The following PTPN3 variants were observed in gnomAD, a reference collection of about 807,000 sequenced individuals.
PTPN3 encodes the protein protein tyrosine phosphatase non-receptor type 3.
PTPN3 carries 96 observed loss-of-function variants against 132.7 expected under a neutral mutation model. The ratio of observed to expected loss-of-function variants is 0.72; its 90% CI spans 0.61 to 0.86. PTPN3 has a LOEUF of 0.86. PTPN3 is among the 40% of genes least tolerant of loss of function. The pLI is 0.00. For missense variants in PTPN3, 1,125 were observed against 1,159.6 expected (o/e 0.97, Z 0.43); for synonymous variants, 398 against 429.0 (o/e 0.93, Z 0.89).
chr9:109,453,804 G>C (rs947353725), intron 5 of PTPN3, among the ~76,000 whole-genome samples: 4 of 149,724 alleles, frequency 2.7e-5, no homozygotes, highest in Non-Finnish European at 4.4e-5. Flanking sequence ...GAGGTCAGGA[G>C]TTTGAGACCA....
chr9:109,417,898 G>A, intron 14 of PTPN3: 1 of 618,034 alleles, frequency 1.6e-6, no homozygotes, highest in African/African-American at 2.0e-5. Context: ...TCTCAAGGAG[G>A]GGTTTCAAGA....
At chr9:109,476,202 C>T (rs1308014679) in intron 1 of PTPN3, among the ~76,000 whole-genome samples, 1 of 152,076 alleles carries the variant, frequency 6.6e-6, no homozygotes, top group Non-Finnish European at 1.5e-5. Context: ...TTTATGCAGC[C>T]TATTCAGATT....
the PTPN3 span, among the ~76,000 whole-genome samples, chr9:109,534,758 C>T: frequency 1.3e-5 from 2 of 152,040 alleles, no homozygotes; most frequent in Admixed American, 6.5e-5. Flanking sequence ...GCCAAGATGA[C>T]GCCATTGCAC....
In PTPN3 at chr9:109,433,136, A is replaced by T; in HGVS notation, c.701T>A (p.Ile234Asn). ...AGCAACACCCGCGGAAGCAATTCCA[A>T]TCATTAGGTCTAAATTGTGCAGATC... ...GRDLHNLDLM[I>N]GIASAGVAVY... The change falls in exon 10 of 26, where the codon ATT (isoleucine) becomes AAT (asparagine). Residue 234 changes from isoleucine to asparagine, a missense_variant. Ile to Asn is a moderately radical substitution (Grantham distance 149). Transcript: ENST00000374541. 2 of 1,614,166 alleles carry T rather than the reference A, an allele frequency of 1.2e-6. No homozygotes were observed. Among genetic ancestry groups the T allele is most frequent in the Non-Finnish European group, 1.7e-6 (2 of 1,180,018 alleles).
chr9:109,464,047 C>T (rs932557760), intron 1 of PTPN3, among the ~76,000 whole-genome samples: 67 of 152,270 alleles, frequency 4.4e-4, no homozygotes, highest in African/African-American at 1.6e-3. Context: ...ACCATATTAG[C>T]TGTCAAAGAA....
At chr9:109,532,893 C>T in the PTPN3 span, 4 of 1,067,246 alleles carry the variant, frequency 3.7e-6, no homozygotes, top group South Asian at 2.2e-5. Flanking sequence ...GCTGGTGGAT[C>T]GGCTGCTTTT....
chr9:109,537,237 A>T, the PTPN3 span, among the ~76,000 whole-genome samples: 23 of 152,364 alleles, frequency 1.5e-4, no homozygotes, highest in South Asian at 4.1e-4. Context: ...CAACTTAAAC[A>T]AGAAAAAAAC....
intron 1 of PTPN3, among the ~76,000 whole-genome samples, chr9:109,487,032 G>T (rs553965222): frequency 1.9e-4 from 29 of 152,292 alleles, no homozygotes; most frequent in African/African-American, 6.5e-4. Flanking sequence ...GCAGTCTTGG[G>T]TATGTCTTTA....
At chr9:109,384,596 G>C (rs906899170) in intron 22 of PTPN3, among the ~76,000 whole-genome samples, 1 of 152,168 alleles carries the variant, frequency 6.6e-6, no homozygotes, top group Non-Finnish European at 1.5e-5. Flanking sequence ...ACCTGCCTCT[G>C]GCTTCTAAGC....
intron 7 of PTPN3, among the ~76,000 whole-genome samples, chr9:109,441,790 G>A (rs1262018001): frequency 6.6e-6 from 1 of 151,928 alleles, no homozygotes. Flanking sequence ...TGCTCAGGCT[G>A]GTGTGCAGTG....
At chr9:109,494,963 A>T (rs1847614023) in intron 1 of PTPN3, among the ~76,000 whole-genome samples, 1 of 152,088 alleles carries the variant, frequency 6.6e-6, no homozygotes, top group African/African-American at 2.4e-5. Flanking sequence ...TGGAGATGCA[A>T]CATTTCTGGG....
intron 1 of PTPN3, among the ~76,000 whole-genome samples, chr9:109,492,466 C>T (rs576738349): frequency 5.1e-4 from 77 of 152,316 alleles, no homozygotes; most frequent in South Asian, 1.5e-3. Context: ...GCACTGAACA[C>T]AGATCAAAGC....
intron 25 of PTPN3, 65 bp from the exon 26 acceptor site, chr9:109,379,698 A>T: frequency 7.4e-7 from 1 of 1,355,144 alleles, no homozygotes; most frequent in South Asian, 1.2e-5. Context: ...CACACCCTGT[A>T]CCGGTGGGTC....
chr9:109,404,861 C>T (rs1841431650), intron 18 of PTPN3, among the ~76,000 whole-genome samples: 1 of 152,190 alleles, frequency 6.6e-6, no homozygotes, highest in South Asian at 2.1e-4. Flanking sequence ...CACTCAGAGG[C>T]TTTTGTCAAA....
intron 1 of PTPN3, among the ~76,000 whole-genome samples, chr9:109,470,694 CA>C (rs11387851): frequency 1.7e-4 from 24 of 143,784 alleles, no homozygotes; most frequent in African/African-American, 1.3e-4. Context: ...AGACCTCATC[CA>C]AAAAAAAAAA....
At position 109,381,716 on chromosome 9, in the gene PTPN3, G is replaced by C; in HGVS notation, c.2600C>G (p.Pro867Arg). 4 of 1,614,130 alleles carry C rather than the reference G, an allele frequency of 2.5e-6. No homozygotes were observed. The highest frequency in any genetic ancestry group is 3.4e-6 in the Non-Finnish European group (4 of 1,179,952). ...TCGGACAATATCCAGTGGGTAAATG[G>C]GCAGGTTCCTCTCAGTTAGGCACAT... ...TAMCLTERNL[P>R]IYPLDIVRKM... The change falls in exon 25 of 26, where the codon CCC becomes CGC. Residue 867 changes from proline to arginine, a missense_variant. Coordinates refer to ENST00000374541, the MANE Select transcript of PTPN3 (RefSeq NM_002829.4).
intron 12 of PTPN3, among the ~76,000 whole-genome samples, chr9:109,425,634 C>T (rs1028021825): frequency 6.6e-6 from 1 of 151,382 alleles, no homozygotes; most frequent in African/African-American, 2.4e-5. Context: ...TTACTTGAAC[C>T]CAGGAGACAG....
At chr9:109,533,048 C>A in the PTPN3 span, 1 of 275,874 alleles carries the variant, frequency 3.6e-6, no homozygotes. Flanking sequence ...CTCCGCTTCC[C>A]GGGTTCAGGC....
intron 5 of PTPN3, chr9:109,450,563 A>T: frequency 1.0e-6 from 1 of 985,228 alleles, no homozygotes; most frequent in Non-Finnish European, 1.2e-6. Flanking sequence ...GGCATCATAC[A>T]CAAAGAAACT....
Sources: allele counts gnomAD v4.1 joint callset (sites outside exome capture counted in the v4.1 genomes callset), GRCh38; gene constraint gnomAD v4.1.1; transcripts MANE v1.5; gene names NCBI Gene and HGNC (gene_info 2026-07-23, HGNC 2026-07-21).